Variants in RAB27B observed in about 807,000 individuals in gnomAD.
RAB27B encodes the protein RAB27B, member RAS oncogene family.
Under a neutral mutation model 24.6 loss-of-function variants are expected in RAB27B, and 15 were observed. That is an observed-to-expected ratio of 0.61 (90% CI 0.41 to 0.94). The LOEUF (loss-of-function observed/expected upper bound fraction) is 0.94, where lower values mean the gene tolerates loss of function less well. Among genes scored for constraint, RAB27B ranks in the 40% least tolerant of loss-of-function variants. The pLI, the probability that RAB27B is intolerant of heterozygous loss-of-function variation, is 0.00. For synonymous variants in RAB27B, 105 were observed against 92.5 expected, an observed-to-expected ratio of 1.14 and a Z score of -0.78; for missense variants, 261 against 266.8, an observed-to-expected ratio of 0.98 and a Z score of 0.15.
intron 2 of RAB27B, among the ~76,000 whole-genome samples, chr18:54,751,391 A>G (rs1209138382): frequency 3.3e-5 from 5 of 152,182 alleles, no homozygotes; most frequent in Non-Finnish European, 5.9e-5. Context: ...TGAAATAGAC[A>G]TGAAGAAAAT....
chr18:54,841,603 G>C (rs1426445413), intron 1 of RAB27B, among the ~76,000 whole-genome samples: 1 of 152,124 alleles, frequency 6.6e-6, no homozygotes, highest in Non-Finnish European at 1.5e-5. Flanking sequence ...ACTAGCCTGA[G>C]CATTTTTCCA....
At chr18:54,811,582 A>T (rs1909966044) in intron 2 of RAB27B, among the ~76,000 whole-genome samples, 1 of 152,144 alleles carries the variant, frequency 6.6e-6, no homozygotes, top group Admixed American at 6.6e-5. Flanking sequence ...ATTTTTACAT[A>T]AACAGTAGGG....
intron 1 of RAB27B, among the ~76,000 whole-genome samples, chr18:54,834,292 A>G (rs1362414432): frequency 3.3e-5 from 5 of 152,214 alleles, no homozygotes; most frequent in South Asian, 2.1e-4. Flanking sequence ...GAACAGTTTC[A>G]TAGAAAGGAG....
At chr18:54,729,524 G>A (rs951322811) in intron 2 of RAB27B, among the ~76,000 whole-genome samples, 3 of 152,134 alleles carry the variant, frequency 2.0e-5, no homozygotes, top group African/African-American at 4.8e-5. Context: ...GGAGGCAATC[G>A]TTTGATTTAT....
intron 2 of RAB27B, among the ~76,000 whole-genome samples, chr18:54,773,745 G>A (rs1029667490): frequency 1.3e-5 from 2 of 150,650 alleles, no homozygotes; most frequent in African/African-American, 4.9e-5. Flanking sequence ...GCATCATCTC[G>A]GCTCACTGCA....
intron 2 of RAB27B, among the ~76,000 whole-genome samples, chr18:54,762,576 G>A (rs1908225844): frequency 6.6e-6 from 1 of 152,142 alleles, no homozygotes; most frequent in African/African-American, 2.4e-5. Context: ...CCTGACTTGA[G>A]CCTTGACACT....
At chr18:54,824,536 C>G (rs1043120879), upstream of RAB27B, among the ~76,000 whole-genome samples, 2 of 152,170 alleles carry the variant, frequency 1.3e-5, no homozygotes, top group African/African-American at 4.8e-5. Context: ...GGGCTTAGAG[C>G]TCTTCGTTGG....
At chr18:54,867,442 C>CTTTTCTTTT (rs1555666326) in intron 1 of RAB27B, among the ~76,000 whole-genome samples, 12 of 98,792 alleles carry the variant, frequency 1.2e-4, no homozygotes, top group African/African-American at 3.9e-4. Flanking sequence ...CTTTTCTTTT[C>CTTTTCTTTT]TTTTTTTTTT....
Position 54,786,379 on chromosome 18 carries a change from C to A in RAB27B, c.-20+68238C>A, listed in dbSNP as rs537574770. Among the ~76,000 whole-genome samples the A allele has an allele frequency of 7.9e-4, 120 of 152,258 alleles. No individual in the cohort carries two copies. In the South Asian group the frequency reaches 9.5e-3, roughly 12 times the overall value. ...ACAGAGAGAAAAGAATGGAAGTTCA[C>A]GGAGAACAGCTGGGACCCAGGCTTT... On this transcript the variant is annotated intron_variant, in intron 2 of 4. Coordinates refer to the RAB27B transcript ENST00000586570.
chr18:54,886,640 C>T (rs189777858), intron 4 of RAB27B, among the ~76,000 whole-genome samples: 8 of 151,834 alleles, frequency 5.3e-5, no homozygotes, highest in Non-Finnish European at 1.2e-4. Context: ...GCTTTAGATT[C>T]CCAGGAGACA....
At chr18:54,806,176 G>C (rs1909785047) in intron 2 of RAB27B, among the ~76,000 whole-genome samples, 1 of 152,134 alleles carries the variant, frequency 6.6e-6, no homozygotes, top group Admixed American at 6.6e-5. Flanking sequence ...GAGAGTCACA[G>C]TTTTTGAAAT....
intron 2 of RAB27B, among the ~76,000 whole-genome samples, chr18:54,751,594 T>C (rs752555922): frequency 6.6e-6 from 1 of 152,088 alleles, no homozygotes; most frequent in Non-Finnish European, 1.5e-5. Flanking sequence ...AGGAAGTCAT[T>C]GGAATGTAGC....
Position 54,884,354 on chromosome 18 carries a change from A to G in RAB27B, c.261A>G (p.Ala87=). The change falls in exon 4 of 6, where the codon GCA becomes GCG. Residue 87 remains alanine, a synonymous_variant. Transcript: ENST00000262094. The part of the protein sequence containing the change: ...GQERFRSLTT[A]FFRDAMGFLL... The stretch of plus-strand genomic sequence containing the variant: ...GCAGGTTCCGGAGTCTCACCACTGC[A>G]TTTTTCAGAGACGCCATGGGCTTCT... The G allele has an allele frequency of 1.2e-6, 2 of 1,612,546 alleles. No individual in the cohort carries two copies. Among genetic ancestry groups the G allele is most frequent in the Non-Finnish European group, 1.7e-6 (2 of 1,178,824 alleles).
intron 2 of RAB27B, among the ~76,000 whole-genome samples, chr18:54,737,142 G>A (rs1004528933): frequency 6.6e-6 from 1 of 152,034 alleles, no homozygotes; most frequent in African/African-American, 2.4e-5. Context: ...TACTTACATA[G>A]TCATGGACTT....
At chr18:54,748,615 T>A (rs1370437298) in intron 2 of RAB27B, among the ~76,000 whole-genome samples, 2 of 152,102 alleles carry the variant, frequency 1.3e-5, no homozygotes, top group Admixed American at 1.3e-4. Context: ...CCAACCTGGG[T>A]TGAGGCACAA....
In RAB27B at chr18:54,884,558, A is replaced by C. The variant is rs1435779973; in HGVS notation, c.343+122A>C. 31 of 637,976 alleles carry C rather than the reference A, an allele frequency of 4.9e-5. No individual in the cohort carries two copies. In the East Asian group the frequency reaches 8.4e-4, roughly 17 times the overall value. 39.5% of individuals were successfully genotyped at this position (637,976 alleles called of 1,614,324 possible). On this transcript the variant is annotated intron_variant, in intron 4 of 5. Transcript: ENST00000262094. ...GATTAACTTTCAAAGTCATGAGTTT[A>C]GTGTTGCCTGTGCCACTGTGTCACC...
At chr18:54,731,083 T>C (rs1281081937) in intron 2 of RAB27B, among the ~76,000 whole-genome samples, 1 of 152,180 alleles carries the variant, frequency 6.6e-6, no homozygotes, top group Non-Finnish European at 1.5e-5. Flanking sequence ...ATAGGTATAA[T>C]ACACAAATGT....
At chr18:54,819,624 T>A (rs934010418) in intron 2 of RAB27B, among the ~76,000 whole-genome samples, 1 of 152,022 alleles carries the variant, frequency 6.6e-6, no homozygotes, top group Non-Finnish European at 1.5e-5. Flanking sequence ...ATTTTTATTA[T>A]ACTTAAAGTA....
intron 1 of RAB27B, among the ~76,000 whole-genome samples, chr18:54,832,489 A>C (rs1910721208): frequency 6.6e-6 from 1 of 152,218 alleles, no homozygotes; most frequent in African/African-American, 2.4e-5. Context: ...TGCATATATG[A>C]ATCTGGGGCA....
Sources: gnomAD v4.1 joint callset for allele counts (sites outside exome capture counted in the v4.1 genomes callset) on GRCh38, gnomAD v4.1.1 for gene constraint, MANE v1.5 for transcripts, NCBI Gene and HGNC (gene_info 2026-07-23, HGNC 2026-07-21) for gene names.